The following ELP4 variants were observed in gnomAD, a reference collection of about 807,000 sequenced individuals.
ELP4 encodes the protein elongator complex protein 4.
Under a neutral mutation model 48.9 loss-of-function variants are expected in ELP4, and 51 were observed. The observed-to-expected ratio is 1.04, with a 90% CI of 0.83 to 1.32. The LOEUF (loss-of-function observed/expected upper bound fraction) is 1.32. Among genes scored for constraint, ELP4 ranks in the 40% most tolerant of loss-of-function variants. The pLI is 0.00. For missense variants in ELP4, 519 were observed against 514.6 expected, an observed-to-expected ratio of 1.01 and a Z score of -0.08; for synonymous variants, 210 against 189.2, an observed-to-expected ratio of 1.11 and a Z score of -0.90.
intron 3 of ELP4, among the ~76,000 whole-genome samples, chr11:31,573,821 T>A (rs1393475773): frequency 6.6e-6 from 1 of 151,176 alleles, no homozygotes; most frequent in African/African-American, 2.4e-5. Flanking sequence ...TACCATCTCA[T>A]TAGGGGATAG....
intron 3 of ELP4, among the ~76,000 whole-genome samples, chr11:31,566,022 ATTTG>A (rs1490920146): frequency 6.6e-6 from 1 of 152,048 alleles, no homozygotes; most frequent in Non-Finnish European, 1.5e-5. Flanking sequence ...ATGTTCTTAC[ATTTG>A]TTTGTGTTAA....
chr11:31,675,380 T>C (rs1945900864), intron 9 of ELP4, among the ~76,000 whole-genome samples: 1 of 152,022 alleles, frequency 6.6e-6, no homozygotes, highest in African/African-American at 2.4e-5. Flanking sequence ...TTCTCCTGCC[T>C]CAGCCTCCCA....
chr11:31,579,839 A>G (rs1183261634), intron 3 of ELP4, among the ~76,000 whole-genome samples: 1 of 151,822 alleles, frequency 6.6e-6, no homozygotes, highest in Non-Finnish European at 1.5e-5. Flanking sequence ...AATGTGAATG[A>G]CGAGTTAGCG....
At chr11:31,623,446 T>G (rs1360126172) in intron 5 of ELP4, among the ~76,000 whole-genome samples, 2 of 145,742 alleles carry the variant, frequency 1.4e-5, no homozygotes, top group East Asian at 4.0e-4. Flanking sequence ...CTTAGTATTT[T>G]ATTATCAATA....
chr11:31,584,025 T>C (rs1054646895), intron 3 of ELP4, among the ~76,000 whole-genome samples: 7 of 152,170 alleles, frequency 4.6e-5, no homozygotes, highest in Admixed American at 1.3e-4. Flanking sequence ...ATAATGCTGA[T>C]ATGTTTTTAT....
chr11:31,761,222 C>G (rs1240215991), intron 9 of ELP4, among the ~76,000 whole-genome samples: 1 of 151,784 alleles, frequency 6.6e-6, no homozygotes, highest in African/African-American at 2.4e-5. Flanking sequence ...CTTGTGGTCC[C>G]AGCTACTCAG....
At chr11:31,650,001 A>G in intron 8 of ELP4, 114 bp from the exon 9 acceptor site, 1 of 487,164 alleles carries the variant, frequency 2.1e-6, no homozygotes, top group Admixed American at 3.8e-5. Context: ...CTCCAGTTTT[A>G]AAAGGGGAGG....
chr11:31,519,902 A>G (rs1269217522), intron 1 of ELP4, among the ~76,000 whole-genome samples, 154 bp from the exon 2 acceptor site: 1 of 152,056 alleles, frequency 6.6e-6, no homozygotes, highest in Non-Finnish European at 1.5e-5. Context: ...TCATAATAGC[A>G]CCTTGAGCAA....
At chr11:31,545,934 T>G (rs1257410118) in intron 3 of ELP4, among the ~76,000 whole-genome samples, 6 of 152,036 alleles carry the variant, frequency 3.9e-5, no homozygotes, top group Non-Finnish European at 8.8e-5. Context: ...AAGCAAATGC[T>G]GAGGGATTTT....
Position 31,769,481 on chromosome 11 carries a change from A to G in ELP4, c.1144-13912A>G, listed in dbSNP as rs377651663. On this transcript the variant is annotated intron_variant, in intron 9 of 9. Coordinates refer to ENST00000640961, the MANE Select transcript of ELP4 (RefSeq NM_019040.5). ...CTGACATTAACCTGGTAACTTAGCA[A>G]TCTGGTGAATTGTCTGATTTCAAAA... Among the ~76,000 whole-genome samples the G allele has an allele frequency of 7.9e-4, 121 of 152,334 alleles. 4 individuals carry two copies. The South Asian group carries it at 0.023, about 29-fold the overall frequency.
intron 9 of ELP4, among the ~76,000 whole-genome samples, chr11:31,709,115 T>C (rs1342362159): frequency 6.6e-6 from 1 of 152,126 alleles, no homozygotes; most frequent in Non-Finnish European, 1.5e-5. Context: ...ATATTTTTGG[T>C]ATTTGAGTCA....
intron 9 of ELP4, among the ~76,000 whole-genome samples, chr11:31,712,384 G>A (rs192291485): frequency 2.0e-5 from 3 of 152,144 alleles, no homozygotes; most frequent in Admixed American, 2.0e-4. Flanking sequence ...TTTGTATTTA[G>A]TAAATGATCT....
At chr11:31,772,696 A>G (rs748203457) in intron 9 of ELP4, among the ~76,000 whole-genome samples, 26 of 152,368 alleles carry the variant, frequency 1.7e-4, no homozygotes, top group African/African-American at 2.9e-4. Flanking sequence ...ACATGAACAC[A>G]TGGTCCACAA....
At position 31,544,548 on chromosome 11, in the gene ELP4, C is replaced by T. The variant is rs1356656058; in HGVS notation, c.381+4765C>T. Among the ~76,000 whole-genome samples the T allele has an allele frequency of 2.0e-5, 3 of 152,228 alleles. No individual in the cohort carries two copies. In the South Asian group the frequency reaches 6.2e-4, roughly 31 times the overall value. On this transcript the variant is annotated intron_variant, in intron 3 of 9. Transcript: ENST00000640961. The stretch of plus-strand genomic sequence containing the variant: ...ACAGCTCAAGGAGGCCTGCCTGCCT[C>T]TGTAGGCTCCACCTCTCGGGGCAGG...
At chr11:31,580,338 T>G (rs1957367480) in intron 3 of ELP4, among the ~76,000 whole-genome samples, 1 of 152,196 alleles carries the variant, frequency 6.6e-6, no homozygotes, top group African/African-American at 2.4e-5. Flanking sequence ...TACTGTGAAA[T>G]AGGAGGTTGT....
At chr11:31,782,660 A>G (rs149462063) in intron 9 of ELP4, among the ~76,000 whole-genome samples, 1 of 152,210 alleles carries the variant, frequency 6.6e-6, no homozygotes, top group Non-Finnish European at 1.5e-5. Flanking sequence ...ATCAGCCTGT[A>G]TCTGCAGAAA....
In ELP4 at chr11:31,659,785, C is replaced by T. The variant is rs145369001; in HGVS notation, c.1143+9564C>T. 3.3e-5 allele frequency among the ~76,000 whole-genome samples: 5 copies of T among 152,028 alleles called. No homozygotes were observed. In the East Asian group the frequency reaches 9.7e-4, roughly 30 times the overall value. On this transcript the variant is annotated intron_variant, in intron 9 of 9. Coordinates refer to ENST00000640961, the MANE Select transcript of ELP4 (RefSeq NM_019040.5). ...GATGGATCACTTGAGGTCAGGGGTT[C>T]GAGACCAGCCTAGCCAACCAAAATA...
intron 1 of ELP4, among the ~76,000 whole-genome samples, chr11:31,514,593 G>A (rs751641306): frequency 6.6e-6 from 1 of 152,172 alleles, no homozygotes; most frequent in East Asian, 1.9e-4. Context: ...ATAAAAATAA[G>A]ATGATTGTTT....
At chr11:31,782,420 G>A (rs1247573293) in intron 9 of ELP4, among the ~76,000 whole-genome samples, 2 of 151,974 alleles carry the variant, frequency 1.3e-5, no homozygotes, top group Non-Finnish European at 2.9e-5. Flanking sequence ...TCAGTGGGGA[G>A]CCCTATGCTG....
Sources: allele counts gnomAD v4.1 joint callset (sites outside exome capture counted in the v4.1 genomes callset), GRCh38; gene constraint gnomAD v4.1.1; transcripts MANE v1.5; gene names NCBI Gene and HGNC (gene_info 2026-07-23, HGNC 2026-07-21).